Variants in MYT1L observed in about 807,000 individuals in gnomAD.
The protein encoded by MYT1L is myelin transcription factor 1 like, also known as myelin transcription factor 1-like protein.
MYT1L carries 12 observed loss-of-function variants against 126.7 expected under a neutral mutation model. That is an observed-to-expected ratio of 0.09 (90% confidence interval 0.06 to 0.15). The LOEUF (loss-of-function observed/expected upper bound fraction) is 0.15, where lower values mean the gene tolerates loss of function less well. MYT1L is among the 10% of genes least tolerant of loss of function. MYT1L has a pLI of 1.00. For missense variants in MYT1L, 979 were observed against 1,585.2 expected, an observed-to-expected ratio of 0.62 and a Z score of 6.49; for synonymous variants, 541 against 604.2, an observed-to-expected ratio of 0.90 and a Z score of 1.53.
chr2:2,281,956 A>AG (rs1289064728), intron 2 of MYT1L, among the ~76,000 whole-genome samples: 1 of 152,224 alleles, frequency 6.6e-6, no homozygotes, highest in Admixed American at 6.5e-5. Flanking sequence ...ATGTTTCTGT[A>AG]GTGCACTCTG....
At chr2:2,232,553 T>C (rs2094186593) in intron 2 of MYT1L, among the ~76,000 whole-genome samples, 1 of 152,218 alleles carries the variant, frequency 6.6e-6, no homozygotes, top group South Asian at 2.1e-4. Context: ...GTTTTTGAAC[T>C]ATGGACAATA....
chr2:2,257,019 G>C (rs541789166), intron 2 of MYT1L, among the ~76,000 whole-genome samples: 2 of 152,114 alleles, frequency 1.3e-5, no homozygotes, highest in Non-Finnish European at 2.9e-5. Flanking sequence ...TGTTCCCCTT[G>C]CTTCACCTGG....
At chr2:2,182,630 G>A (rs888683883) in intron 2 of MYT1L, among the ~76,000 whole-genome samples, 1 of 152,118 alleles carries the variant, frequency 6.6e-6, no homozygotes, top group Non-Finnish European at 1.5e-5. Context: ...GCATTGCGTC[G>A]GTTTTTCAAA....
chr2:2,103,349 T>G (rs1286555082), intron 3 of MYT1L, among the ~76,000 whole-genome samples: 1 of 152,204 alleles, frequency 6.6e-6, no homozygotes, highest in African/African-American at 2.4e-5. Context: ...CTGAGAGCTG[T>G]GCAGCAGGAC....
At chr2:2,011,919 C>T (rs2063862082) in intron 4 of MYT1L, among the ~76,000 whole-genome samples, 1 of 152,176 alleles carries the variant, frequency 6.6e-6, no homozygotes, top group Non-Finnish European at 1.5e-5. Flanking sequence ...GCCCTCATTG[C>T]ACTTGAGGAT....
chr2:2,078,949 T>C (rs1256701442), intron 3 of MYT1L, among the ~76,000 whole-genome samples: 1 of 152,148 alleles, frequency 6.6e-6, no homozygotes, highest in East Asian at 1.9e-4. Context: ...GGAAGGTGAT[T>C]AGGTCATGAG....
At chr2:1,966,467 G>T (rs1283825317) in intron 8 of MYT1L, among the ~76,000 whole-genome samples, 1 of 152,118 alleles carries the variant, frequency 6.6e-6, no homozygotes, top group Non-Finnish European at 1.5e-5. Context: ...GTGTAAACAG[G>T]TCTGATCTTC....
chr2:1,849,053 G>T (rs900290090), intron 19 of MYT1L, among the ~76,000 whole-genome samples: 3 of 151,996 alleles, frequency 2.0e-5, no homozygotes, highest in Non-Finnish European at 4.4e-5. Context: ...TTTTAATCAT[G>T]GGTTTGTGCT....
In MYT1L at chr2:1,923,157, T is replaced by C. The variant is rs2053783260; in HGVS notation, c.612A>G (p.Ser204=). 2 of 1,613,962 alleles carry C rather than the reference T, an allele frequency of 1.2e-6. No homozygotes were observed. Among genetic ancestry groups the C allele is most frequent in the Non-Finnish European group, 1.7e-6 (2 of 1,179,910 alleles). ...YDNYDELVAK[S]LLNLGKIAED... is the part of the protein sequence containing the mutation. ...CAGCGATTTTGCCGAGGTTTAACAA[T>C]GACTTGGCCACCAGTTCATCGTAAT... The change falls in exon 10 of 25, where the codon TCA becomes TCG. Residue 204 remains serine (S), a synonymous_variant. Transcript: ENST00000647738.
At chr2:2,036,759 C>T (rs1270655352) in intron 4 of MYT1L, among the ~76,000 whole-genome samples, 1 of 152,208 alleles carries the variant, frequency 6.6e-6, no homozygotes, top group Non-Finnish European at 1.5e-5. Context: ...ACTGCCATTC[C>T]AGCACCTTGG....
intron 3 of MYT1L, among the ~76,000 whole-genome samples, chr2:2,131,280 C>T (rs954519473): frequency 6.6e-6 from 1 of 152,152 alleles, no homozygotes; most frequent in Non-Finnish European, 1.5e-5. Flanking sequence ...TTGGAGGAAA[C>T]ACCACTTAGT....
At chr2:2,130,486 G>A (rs1288136935) in intron 3 of MYT1L, among the ~76,000 whole-genome samples, 2 of 152,084 alleles carry the variant, frequency 1.3e-5, no homozygotes, top group Admixed American at 6.5e-5. Flanking sequence ...GCACAAACAC[G>A]TCTGCAGCAG....
chr2:1,960,569 A>G (rs1158474788), intron 8 of MYT1L, among the ~76,000 whole-genome samples: 1 of 152,240 alleles, frequency 6.6e-6, no homozygotes, highest in Non-Finnish European at 1.5e-5. Flanking sequence ...TCTGTTTGCC[A>G]TCCCAGACTC....
intron 21 of MYT1L, chr2:1,827,113 T>A (rs1243255524): frequency 6.6e-6 from 1 of 152,268 alleles, no homozygotes; most frequent in African/African-American, 2.4e-5. Context: ...CAGCAACATT[T>A]CCTCTCTTTT....
chr2:2,237,883 G>A (rs866693807), intron 2 of MYT1L, among the ~76,000 whole-genome samples: 40 of 152,256 alleles, frequency 2.6e-4, no homozygotes, highest in African/African-American at 8.2e-4. Flanking sequence ...CTGGGACAGC[G>A]GTCACCTGCA....
At chr2:2,283,622 C>T (rs1462136725) in intron 2 of MYT1L, among the ~76,000 whole-genome samples, 3 of 152,194 alleles carry the variant, frequency 2.0e-5, no homozygotes, top group Non-Finnish European at 4.4e-5. Flanking sequence ...GTGAAGGCCA[C>T]AGAAGCTGAG....
intron 23 of MYT1L, among the ~76,000 whole-genome samples, chr2:1,797,619 T>G (rs1024459920): frequency 1.3e-5 from 2 of 152,262 alleles, no homozygotes; most frequent in Non-Finnish European, 2.9e-5. Context: ...TTCAGCCACA[T>G]AGGAATTGTG....
chr2:1,997,945 C>T (rs1327369510), intron 4 of MYT1L, among the ~76,000 whole-genome samples: 1 of 150,528 alleles, frequency 6.6e-6, no homozygotes, highest in African/African-American at 2.5e-5. Context: ...GATACTGATA[C>T]TCAGAGAGTA....
At chr2:2,207,266 T>C (rs1012642070) in intron 2 of MYT1L, among the ~76,000 whole-genome samples, 1 of 152,116 alleles carries the variant, frequency 6.6e-6, no homozygotes, top group Non-Finnish European at 1.5e-5. Context: ...GATTGTATTA[T>C]ATATTCTATA....
Sources: gnomAD v4.1 joint callset for allele counts (sites outside exome capture counted in the v4.1 genomes callset) on GRCh38, gnomAD v4.1.1 for gene constraint, MANE v1.5 for transcripts, NCBI Gene and HGNC (gene_info 2026-07-23, HGNC 2026-07-21) for gene names.